The following CADM2 variants were observed in gnomAD, a reference collection of about 807,000 sequenced individuals.
CADM2 encodes the protein cell adhesion molecule 2.
In CADM2, 12 loss-of-function variants were observed where a neutral mutation model predicts 49.8. That is an observed-to-expected ratio of 0.24 (90% confidence interval 0.15 to 0.39). The LOEUF (loss-of-function observed/expected upper bound fraction) is 0.39. Among genes scored for constraint, CADM2 ranks in the 10% least tolerant of loss-of-function variants. The pLI is 1.00. For synonymous variants in CADM2, 214 were observed against 175.4 expected, an observed-to-expected ratio of 1.22 and a Z score of -1.74; for missense variants, 378 against 492.3, an observed-to-expected ratio of 0.77 and a Z score of 2.20.
chr3:85,409,913 C>A (rs2035579899), intron 1 of CADM2, among the ~76,000 whole-genome samples: 1 of 152,080 alleles, frequency 6.6e-6, no homozygotes, highest in Non-Finnish European at 1.5e-5. Context: ...GTACAAAAAT[C>A]TGTTAATATT....
chr3:85,129,224 T>A (rs552802635), intron 1 of CADM2, among the ~76,000 whole-genome samples: 1 of 152,278 alleles, frequency 6.6e-6, no homozygotes, highest in East Asian at 1.9e-4. Context: ...TTTTCTAAAA[T>A]AGATGGTTGC....
intron 8 of CADM2, among the ~76,000 whole-genome samples, chr3:86,052,589 G>A (rs9824878): frequency 6.6e-6 from 1 of 151,806 alleles, no homozygotes; most frequent in Non-Finnish European, 1.5e-5. Context: ...AATGATGTAG[G>A]ACAAAATTTT....
rs191526211 is a variant in CADM2, at chr3:85,583,409, C to T, written c.62-143113C>T. Among the ~76,000 whole-genome samples, 307 of 152,150 alleles carry T rather than the reference C, an allele frequency of 2.0e-3. 1 individual carries two copies. The highest frequency in any genetic ancestry group is 7.2e-3 in the African/African-American group (301 of 41,538). ...GGACTTTTTTTCTGGAAACGACTGT[C>T]CTACTAAAGCAATAGTAAGTGGTCA... On this transcript the variant is annotated intron_variant, in intron 1 of 9. Transcript: ENST00000383699.
At chr3:85,959,656 A>T (rs1400328099) in intron 7 of CADM2, among the ~76,000 whole-genome samples, 1 of 151,912 alleles carries the variant, frequency 6.6e-6, no homozygotes, top group African/African-American at 2.4e-5. Context: ...CATATATAGG[A>T]TAGTGGTCTC....
At chr3:86,019,018 G>A (rs1388455268) in intron 8 of CADM2, among the ~76,000 whole-genome samples, 5 of 114,394 alleles carry the variant, frequency 4.4e-5, no homozygotes, top group East Asian at 4.8e-4. Flanking sequence ...TAGGTCTAAC[G>A]TTTAAGTCTT....
At chr3:85,569,674 T>G (rs565841832) in intron 1 of CADM2, among the ~76,000 whole-genome samples, 2 of 147,546 alleles carry the variant, frequency 1.4e-5, no homozygotes, top group African/African-American at 5.0e-5. Flanking sequence ...GTTAGATCAA[T>G]GTTTTTTAGA....
At chr3:85,139,560 T>G (rs922024463) in intron 1 of CADM2, among the ~76,000 whole-genome samples, 1 of 152,166 alleles carries the variant, frequency 6.6e-6, no homozygotes, top group Non-Finnish European at 1.5e-5. Flanking sequence ...ATACTATGTG[T>G]TTTTCTTTGC....
chr3:85,507,989 G>T (rs556317890), intron 1 of CADM2, among the ~76,000 whole-genome samples: 5 of 152,272 alleles, frequency 3.3e-5, no homozygotes, highest in South Asian at 2.1e-4. Context: ...TGGCACAATA[G>T]TGAGTCTCCT....
intron 1 of CADM2, among the ~76,000 whole-genome samples, chr3:85,311,960 C>T (rs1293190210): frequency 6.6e-6 from 1 of 152,168 alleles, no homozygotes; most frequent in Non-Finnish European, 1.5e-5. Context: ...AGGCAAGCGT[C>T]TACTCAATCA....
rs180898451 is a variant in CADM2 at position 85,801,732 on chromosome 3, G to A, written c.89-315G>A. On this transcript the variant is annotated intron_variant, in intron 2 of 9. Coordinates refer to ENST00000383699, the MANE Select transcript of CADM2 (RefSeq NM_001167675.2). Reference sequence around the variant, plus strand: ...TTCAACAATGACCAAGTTTAGTACCGTATTAACTAATGCAAAGCCTAGGGA... The same window carrying A: ...TTCAACAATGACCAAGTTTAGTACCATATTAACTAATGCAAAGCCTAGGGA... Among the ~76,000 whole-genome samples, 489 of 152,098 alleles carry A rather than the reference G, an allele frequency of 3.2e-3. 1 individual carries two copies. The highest frequency in any genetic ancestry group is 0.011 in the African/African-American group (460 of 41,502).
intron 8 of CADM2, among the ~76,000 whole-genome samples, chr3:86,049,249 A>T (rs1315915268): frequency 6.6e-6 from 1 of 151,466 alleles, no homozygotes; most frequent in Non-Finnish European, 1.5e-5. Context: ...AGACTGGGTA[A>T]TTTATTTTAT....
chr3:85,057,454 T>C (rs2036125269), intron 1 of CADM2, among the ~76,000 whole-genome samples: 1 of 152,120 alleles, frequency 6.6e-6, no homozygotes, highest in African/African-American at 2.4e-5. Context: ...TATTAGAATA[T>C]ACTAACAGTG....
rs1576949306 is a variant in CADM2 at position 85,620,001 on chromosome 3, A to G, written c.62-106521A>G. 2.0e-5 allele frequency among the ~76,000 whole-genome samples: 3 copies of G among 152,300 alleles called. No individual in the cohort carries two copies. In the East Asian group the frequency reaches 5.8e-4, roughly 29 times the overall value. On this transcript the variant is annotated intron_variant, in intron 1 of 9. Coordinates refer to ENST00000383699, the MANE Select transcript of CADM2 (RefSeq NM_001167675.2). ...CCAAAGTGTGATGAAATGTCTTTTC[A>G]TGAAAGTGATAGTTATGCTCAAAAC...
chr3:85,380,505 T>G (rs2033842430), intron 1 of CADM2, among the ~76,000 whole-genome samples: 1 of 151,954 alleles, frequency 6.6e-6, no homozygotes, highest in Admixed American at 6.6e-5. Flanking sequence ...CAATTTTTAA[T>G]TATTAAGAAT....
chr3:85,790,496 G>T (rs974914392), intron 2 of CADM2, among the ~76,000 whole-genome samples: 10 of 152,124 alleles, frequency 6.6e-5, no homozygotes, highest in African/African-American at 2.4e-4. Context: ...TTCTACAGGA[G>T]AATTATAATT....
intron 2 of CADM2, among the ~76,000 whole-genome samples, chr3:85,789,005 G>T (rs2071172532): frequency 6.6e-6 from 1 of 152,060 alleles, no homozygotes. Flanking sequence ...CCTACTGGAT[G>T]AAATAAATAT....
intron 1 of CADM2, among the ~76,000 whole-genome samples, chr3:85,367,684 A>G (rs753956271): frequency 2.0e-5 from 3 of 152,054 alleles, no homozygotes; most frequent in Non-Finnish European, 2.9e-5. Flanking sequence ...GTACAGGCAT[A>G]CAATGCTACT....
At chr3:85,565,670 T>A (rs796440628) in intron 1 of CADM2, among the ~76,000 whole-genome samples, 13 of 152,188 alleles carry the variant, frequency 8.5e-5, no homozygotes, top group African/African-American at 3.1e-4. Flanking sequence ...TACTGGGGTG[T>A]GAACTTGAAG....
intron 3 of CADM2, among the ~76,000 whole-genome samples, chr3:85,848,188 G>A (rs1172415902): frequency 1.3e-5 from 2 of 152,010 alleles, no homozygotes; most frequent in African/African-American, 4.8e-5. Context: ...GCAAGAAAAT[G>A]TATTTATCTC....
Sources: allele counts gnomAD v4.1 joint callset (sites outside exome capture counted in the v4.1 genomes callset), GRCh38; gene constraint gnomAD v4.1.1; transcripts MANE v1.5; gene names NCBI Gene and HGNC (gene_info 2026-07-23, HGNC 2026-07-21).